The following CERS6 variants were observed in gnomAD, a reference collection of about 807,000 sequenced individuals.
CERS6 encodes the protein LAG1 homolog, ceramide synthase 6.
A neutral mutation model predicts 56.8 loss-of-function variants in CERS6; 26 were observed. The observed-to-expected ratio is 0.46, with a 90% confidence interval of 0.34 to 0.63. The LOEUF (loss-of-function observed/expected upper bound fraction) is 0.63. Among genes scored for constraint, CERS6 ranks in the 30% least tolerant of loss-of-function variants. The pLI is 0.01. For synonymous variants in CERS6, 164 were observed against 173.3 expected (o/e 0.95, Z 0.42); for missense variants, 415 against 467.5 (o/e 0.89, Z 1.04).
intron 1 of CERS6, among the ~76,000 whole-genome samples, chr2:168,499,454 G>C (rs1356945086): frequency 7.9e-5 from 12 of 152,146 alleles, no homozygotes; most frequent in Admixed American, 7.2e-4. Flanking sequence ...TTACGACAAG[G>C]GTTTGCAAGG....
chr2:168,737,785 T>C (rs1388607693), intron 8 of CERS6, among the ~76,000 whole-genome samples: 1 of 152,248 alleles, frequency 6.6e-6, no homozygotes, highest in Non-Finnish European at 1.5e-5. Context: ...GAACATCATA[T>C]GTACAGTTTA....
intron 3 of CERS6, among the ~76,000 whole-genome samples, chr2:168,569,279 G>T (rs1695938751): frequency 6.6e-6 from 1 of 152,104 alleles, no homozygotes. Context: ...AATTTAACCT[G>T]AATTACCTTA....
intron 8 of CERS6, among the ~76,000 whole-genome samples, chr2:168,736,179 G>A (rs897382417): frequency 6.6e-6 from 1 of 152,150 alleles, no homozygotes; most frequent in African/African-American, 2.4e-5. Flanking sequence ...GTGTAATAAG[G>A]CCTTCCTTGG....
chr2:168,699,262 C>G (rs1299749888), intron 6 of CERS6, among the ~76,000 whole-genome samples: 2 of 152,110 alleles, frequency 1.3e-5, no homozygotes, highest in Non-Finnish European at 2.9e-5. Context: ...TTAACTGAAC[C>G]CTCTAAAAAC....
intron 1 of CERS6, among the ~76,000 whole-genome samples, chr2:168,493,522 G>T (rs1202636194): frequency 6.6e-6 from 1 of 152,296 alleles, no homozygotes; most frequent in East Asian, 1.9e-4. Context: ...TAAGCACTGG[G>T]AATCTACCAG....
intron 1 of CERS6, among the ~76,000 whole-genome samples, chr2:168,543,576 A>G (rs948034214): frequency 6.6e-6 from 1 of 152,222 alleles, no homozygotes; most frequent in Non-Finnish European, 1.5e-5. Context: ...GCTCTCTGAA[A>G]AAAATGTGAT....
At chr2:168,459,461 C>T (rs1257459548) in intron 1 of CERS6, among the ~76,000 whole-genome samples, 1 of 152,194 alleles carries the variant, frequency 6.6e-6, no homozygotes, top group Admixed American at 6.5e-5. Flanking sequence ...AATATGGAAG[C>T]CCAGCATGGT....
intron 4 of CERS6, among the ~76,000 whole-genome samples, chr2:168,678,297 A>C (rs1686118067): frequency 2.0e-5 from 3 of 152,154 alleles, no homozygotes; most frequent in Admixed American, 6.5e-5. Flanking sequence ...TGCCTGAGGT[A>C]CTGTCAGGCC....
chr2:168,758,411 G>T (rs1477226992), intron 8 of CERS6, among the ~76,000 whole-genome samples: 3 of 152,154 alleles, frequency 2.0e-5, no homozygotes, highest in Non-Finnish European at 4.4e-5. Flanking sequence ...ATTTGACTTG[G>T]GTCTAATTAT....
chr2:168,499,151 C>A (rs1237202444), intron 1 of CERS6, among the ~76,000 whole-genome samples: 1 of 152,060 alleles, frequency 6.6e-6, no homozygotes, highest in Non-Finnish European at 1.5e-5. Flanking sequence ...TGATGGGACC[C>A]CTATGGTCAA....
At chr2:168,587,064 G>A (rs971666085) in intron 3 of CERS6, among the ~76,000 whole-genome samples, 1 of 152,248 alleles carries the variant, frequency 6.6e-6, no homozygotes, top group African/African-American at 2.4e-5. Flanking sequence ...CCAGCTATGC[G>A]GTGGGTAGGG....
At position 168,773,716 on chromosome 2, in the gene CERS6, G is replaced by A. The variant is rs1010405609; in HGVS notation, c.*4054G>A. On this transcript the variant is annotated 3_prime_UTR_variant, in exon 10 of 10. Coordinates refer to ENST00000305747, the MANE Select transcript of CERS6 (RefSeq NM_203463.3). ...GAAGATATTGCAGTCCCCAGAGCCA[G>A]TGAAGGTTTCTTTTGGTAAAATGAA... 2.6e-5 allele frequency: 4 copies of A among 152,256 alleles called. No individual in the cohort carries two copies. The highest frequency in any genetic ancestry group is 9.6e-5 in the African/African-American group (4 of 41,460). The allele number at this position is 152,256 out of a possible 1,614,324, so 9.4% of individuals were successfully genotyped here. A position where few individuals can be genotyped will look rare whatever the true frequency, so the allele number is the denominator to read the frequency against.
At chr2:168,729,290 T>A (rs1683448109) in intron 8 of CERS6, among the ~76,000 whole-genome samples, 1 of 151,846 alleles carries the variant, frequency 6.6e-6, no homozygotes, top group Non-Finnish European at 1.5e-5. Context: ...GCATCTCACT[T>A]ACTTGAGAGA....
chr2:168,609,978 T>TTC (rs1443886350), intron 3 of CERS6, among the ~76,000 whole-genome samples: 1 of 136,654 alleles, frequency 7.3e-6, no homozygotes, highest in Non-Finnish European at 1.6e-5. Flanking sequence ...GTGACTGTTT[T>TTC]TTTTTTTTTT....
At chr2:168,747,292 T>G (rs373036174) in intron 8 of CERS6, among the ~76,000 whole-genome samples, 17 of 29,372 alleles carry the variant, frequency 5.8e-4, no homozygotes, top group Non-Finnish European at 9.1e-4. Flanking sequence ...TCTCAACAAA[T>G]TTTTTTTTTT....
At chr2:168,459,619 G>A (rs1343781092) in intron 1 of CERS6, among the ~76,000 whole-genome samples, 1 of 150,224 alleles carries the variant, frequency 6.7e-6, no homozygotes, top group East Asian at 1.9e-4. Flanking sequence ...GATTGACAGA[G>A]TAAAGTATGT....
intron 8 of CERS6, among the ~76,000 whole-genome samples, chr2:168,718,947 T>A (rs1687294085): frequency 6.6e-6 from 1 of 152,214 alleles, no homozygotes; most frequent in Admixed American, 6.5e-5. Flanking sequence ...TGCTGACTCC[T>A]GGGTCTTCAT....
At chr2:168,753,102 G>C (rs1684324404) in intron 8 of CERS6, among the ~76,000 whole-genome samples, 1 of 152,168 alleles carries the variant, frequency 6.6e-6, no homozygotes, top group South Asian at 2.1e-4. Context: ...TCTTGTCTTA[G>C]GCTTTTATTT....
intron 4 of CERS6, among the ~76,000 whole-genome samples, chr2:168,690,037 A>AG (rs1481617133): frequency 6.6e-6 from 1 of 152,136 alleles, no homozygotes; most frequent in African/African-American, 2.4e-5. Context: ...GAAAAATACT[A>AG]GTAGCTACTA....
Sources: gnomAD v4.1 joint callset for allele counts (sites outside exome capture counted in the v4.1 genomes callset) on GRCh38, gnomAD v4.1.1 for gene constraint, MANE v1.5 for transcripts, NCBI Gene and HGNC (gene_info 2026-07-23, HGNC 2026-07-21) for gene names.